PHKA1: variants seen among roughly 807,000 people sequenced by gnomAD.
PHKA1 encodes phosphorylase kinase regulatory subunit alpha 1, also known as phosphorylase b kinase regulatory subunit alpha, skeletal muscle isoform.
PHKA1 carries 60 observed loss-of-function variants against 110.2 expected under a neutral mutation model. The ratio of observed to expected loss-of-function variants is 0.54; its 90% CI spans 0.44 to 0.68. The LOEUF (loss-of-function observed/expected upper bound fraction) is 0.68. Ranked by LOEUF, PHKA1 falls within the 30% of genes least tolerant of loss-of-function variation. The probability of loss-of-function intolerance (pLI) is 0.00; values close to 1 mark genes in which losing one functional copy is unlikely to be tolerated. For synonymous variants in PHKA1, 316 were observed against 333.6 expected, an observed-to-expected ratio of 0.95 and a Z score of 0.58; for missense variants, 801 against 942.5, an observed-to-expected ratio of 0.85 and a Z score of 1.97.
At chrX:72,680,722 G>C (rs1367832367) in intron 5 of PHKA1, among the ~76,000 whole-genome samples, 7 of 100,724 alleles carry the variant, frequency 6.9e-5, no homozygotes, top group Admixed American at 5.2e-4. Flanking sequence ...GATATGAAGC[G>C]GAGCCGCTGC....
chrX:72,602,308 G>C (rs782203684), intron 26 of PHKA1, 35 bp from the exon 27 acceptor site: 5 of 857,726 alleles, frequency 5.8e-6, no homozygotes, highest in Non-Finnish European at 8.7e-6. Flanking sequence ...GAAAGAGAGA[G>C]GATAATAAGG....
At chrX:72,645,994 A>G (rs1332954381) in intron 13 of PHKA1, among the ~76,000 whole-genome samples, 2 of 112,146 alleles carry the variant, frequency 1.8e-5, no homozygotes, top group Non-Finnish European at 1.9e-5. Flanking sequence ...TTCTAGGAAG[A>G]GAGTCCAGAA....
chrX:72,593,341 C>CA, intron 28 of PHKA1, 67 bp from the exon 29 acceptor site: 5 of 626,093 alleles, frequency 8.0e-6, no homozygotes, highest in Non-Finnish European at 1.2e-5. Context: ...AGTCTTTGAA[C>CA]TTTTTTTTTT....
intron 21 of PHKA1, among the ~76,000 whole-genome samples, chrX:72,615,781 G>A (rs2052887810): frequency 2.0e-5 from 2 of 102,123 alleles, no homozygotes; most frequent in Non-Finnish European, 4.0e-5. Flanking sequence ...AAGGAAGGAA[G>A]GAAGGAAGGA....
intron 28 of PHKA1, among the ~76,000 whole-genome samples, chrX:72,593,750 T>C (rs1364535657): frequency 1.8e-5 from 2 of 112,860 alleles, no homozygotes; most frequent in African/African-American, 6.4e-5. Flanking sequence ...AGTAGACTTA[T>C]ATGTAGCTAG....
chrX:72,701,054 A>G (rs2054198215), intron 3 of PHKA1, among the ~76,000 whole-genome samples: 1 of 112,668 alleles, frequency 8.9e-6, no homozygotes, highest in South Asian at 3.6e-4. Context: ...GAATTTGGAA[A>G]CTATTTGTGA....
In PHKA1 at chrX:72,635,165, G is replaced by A. The variant is rs782413093; in HGVS notation, c.1704C>T (p.His568=). 1.7e-6 allele frequency: 2 copies of A among 1,210,282 alleles called. No homozygotes were observed. The highest frequency in any genetic ancestry group is 2.2e-6 in the Non-Finnish European group (2 of 895,262). ...TCATGCAGCCCTTACCAAGCATGCT[G>A]TGTGAGATGGGGAAGGTGATGGTGG... ...GQPTITFPIS[H]SMLDEDGTSL... Residue 568 remains histidine (H), a synonymous_variant, in exon 16 of 32, where the codon CAC becomes CAT. Transcript: ENST00000373542.
intron 29 of PHKA1, among the ~76,000 whole-genome samples, chrX:72,591,867 A>G (rs1161715507): frequency 8.9e-6 from 1 of 112,497 alleles, no homozygotes; most frequent in Non-Finnish European, 1.9e-5. Flanking sequence ...TTCTTTGAAC[A>G]TAAAGTCTTA....
intron 4 of PHKA1, among the ~76,000 whole-genome samples, chrX:72,694,632 T>C (rs2054084278): frequency 8.9e-6 from 1 of 112,325 alleles, no homozygotes; most frequent in Non-Finnish European, 1.9e-5. Context: ...AATATCTACC[T>C]TATTCCAAGT....
chrX:72,698,771 A>G (rs781976854), intron 3 of PHKA1, among the ~76,000 whole-genome samples: 3 of 112,553 alleles, frequency 2.7e-5, no homozygotes, highest in Non-Finnish European at 5.6e-5. Context: ...AAGCTAATCT[A>G]TAAGCTAAAT....
Position 72,713,370 on chromosome X carries a change from C to G in PHKA1, c.78+433G>C, listed in dbSNP as rs140324663. 3.2e-3 allele frequency among the ~76,000 whole-genome samples: 356 copies of G among 111,128 alleles called. 1 individual carries two copies. Among genetic ancestry groups the G allele is most frequent in the African/African-American group, 0.011 (346 of 30,559 alleles). ...CATCAGATCCCCAGAACTTACTCAT[C>G]TTATAACTGAAACTTTGTGCCCTTT... On this transcript the variant is annotated intron_variant, in intron 1 of 31. Coordinates refer to ENST00000373542, the MANE Select transcript of PHKA1 (RefSeq NM_002637.4).
chrX:72,620,580 A>T, intron 19 of PHKA1, 145 bp downstream of exon 19: 2 of 480,624 alleles, frequency 4.2e-6, no homozygotes, highest in Non-Finnish European at 7.3e-6. Flanking sequence ...TGAGTGTCTA[A>T]TATGTTCTAG....
chrX:72,659,579 C>A (rs2053537357), intron 8 of PHKA1, among the ~76,000 whole-genome samples: 1 of 111,765 alleles, frequency 8.9e-6, no homozygotes, highest in African/African-American at 3.3e-5. Context: ...CTTCTCCAAT[C>A]CAACATCACA....
At chrX:72,706,057 C>T (rs1167994108) in intron 2 of PHKA1, among the ~76,000 whole-genome samples, 1 of 111,862 alleles carries the variant, frequency 8.9e-6, no homozygotes, top group African/African-American at 3.2e-5. Context: ...CTTCAGGACA[C>T]CTCTGAAAAC....
intron 14 of PHKA1, among the ~76,000 whole-genome samples, chrX:72,640,456 G>A (rs1432054871): frequency 8.9e-6 from 1 of 111,853 alleles, no homozygotes; most frequent in Non-Finnish European, 1.9e-5. Flanking sequence ...TGGATTGTAG[G>A]TGGCTACTTA....
chrX:72,628,737 G>A (rs1244403257), intron 16 of PHKA1, among the ~76,000 whole-genome samples: 4 of 107,947 alleles, frequency 3.7e-5, no homozygotes, highest in Non-Finnish European at 5.8e-5. Flanking sequence ...CTACAGGCGC[G>A]TGCCACCACA....
At chrX:72,601,934 T>C in intron 28 of PHKA1, 57 bp downstream of exon 28, 1 of 883,493 alleles carries the variant, frequency 1.1e-6, no homozygotes, top group Non-Finnish European at 1.7e-6. Context: ...AGCTCATGCA[T>C]GTTATACAGA....
At chrX:72,685,673 T>A (rs191978680) in intron 4 of PHKA1, among the ~76,000 whole-genome samples, 99 of 112,069 alleles carry the variant, frequency 8.8e-4, no homozygotes, top group Non-Finnish European at 1.6e-3. Flanking sequence ...TAAATATTAC[T>A]GTTTACATAT....
intron 6 of PHKA1, among the ~76,000 whole-genome samples, chrX:72,672,344 T>C (rs1257502184): frequency 2.7e-5 from 3 of 111,722 alleles, no homozygotes; most frequent in African/African-American, 9.8e-5. Context: ...TCCATTGTCT[T>C]GAGGAATAGC....
Sources: allele counts gnomAD v4.1 joint callset (sites outside exome capture counted in the v4.1 genomes callset), GRCh38; gene constraint gnomAD v4.1.1; transcripts MANE v1.5; gene names NCBI Gene and HGNC (gene_info 2026-07-23, HGNC 2026-07-21).